ANKRD30B: variants seen among roughly 807,000 people sequenced by gnomAD.
ANKRD30B encodes the protein ankyrin repeat domain 30B, also known as ankyrin repeat domain-containing protein 30B.
ANKRD30B carries 144 observed loss-of-function variants against 202.2 expected under a neutral mutation model. That is an observed-to-expected ratio of 0.71 (90% CI 0.62 to 0.82). ANKRD30B has a LOEUF of 0.82. ANKRD30B is among the 40% of genes least tolerant of loss of function. The pLI is 0.00. For synonymous variants in ANKRD30B, 508 were observed against 561.3 expected, an observed-to-expected ratio of 0.91 and a Z score of 1.34; for missense variants, 1,487 against 1,669.1, an observed-to-expected ratio of 0.89 and a Z score of 1.90.
At chr18:14,848,975 A>C (rs760667465) in intron 40 of ANKRD30B, 46 bp downstream of exon 40, 1 of 1,431,792 alleles carries the variant, frequency 7.0e-7, no homozygotes, top group Admixed American at 2.9e-5. Flanking sequence ...ATTTATACTA[A>C]AAGTATGTAG....
At chr18:14,826,661 TCTCTCTCTCTCTCCCC>T (rs766726069) in intron 32 of ANKRD30B, among the ~76,000 whole-genome samples, 1,812 of 137,290 alleles carry the variant, frequency 0.013, 39 homozygotes, top group African/African-American at 0.047. Flanking sequence ...ATTGTTTCTC[TCTCTCTCTCTCTCCCC>T]CTCTCTCTCT....
At chr18:14,932,083 G>A in the ANKRD30B span, among the ~76,000 whole-genome samples, 63 of 115,550 alleles carry the variant, frequency 5.5e-4, no homozygotes, top group Admixed American at 1.4e-3. Context: ...TGGGGCTTCT[G>A]AGATATTTAG....
At chr18:14,886,404 A>C in the ANKRD30B span, among the ~76,000 whole-genome samples, 1 of 152,082 alleles carries the variant, frequency 6.6e-6, no homozygotes, top group Non-Finnish European at 1.5e-5. Flanking sequence ...TAAAATTTGC[A>C]TAATAAATTT....
At chr18:14,914,349 T>C in the ANKRD30B span, among the ~76,000 whole-genome samples, 3 of 152,214 alleles carry the variant, frequency 2.0e-5, no homozygotes, top group Admixed American at 6.5e-5. Flanking sequence ...TCTTTTGATT[T>C]GTGTGGGGAT....
chr18:14,756,489 T>A (rs1914388901), intron 4 of ANKRD30B, among the ~76,000 whole-genome samples: 1 of 152,242 alleles, frequency 6.6e-6, no homozygotes, highest in Non-Finnish European at 1.5e-5. Flanking sequence ...CATGCCTATG[T>A]CCTGAATGGT....
intron 8 of ANKRD30B, among the ~76,000 whole-genome samples, chr18:14,769,988 T>C (rs1916864874): frequency 6.6e-6 from 1 of 152,236 alleles, no homozygotes; most frequent in Admixed American, 6.5e-5. Context: ...TAGATATAGA[T>C]ATGTTATGTT....
At chr18:14,759,641 A>G (rs1189652635) in intron 5 of ANKRD30B, among the ~76,000 whole-genome samples, 1 of 152,248 alleles carries the variant, frequency 6.6e-6, no homozygotes, top group Admixed American at 6.5e-5. Flanking sequence ...AAACAGTAGT[A>G]GTAGTCCAAG....
At chr18:14,779,124 TC>T (rs1460828524) in intron 10 of ANKRD30B, among the ~76,000 whole-genome samples, 3 of 152,192 alleles carry the variant, frequency 2.0e-5, no homozygotes, top group Non-Finnish European at 2.9e-5. Context: ...CAGGCAACTT[TC>T]GAGTTTCTGA....
the ANKRD30B span, among the ~76,000 whole-genome samples, chr18:14,882,667 TC>T: frequency 6.6e-6 from 1 of 152,068 alleles, no homozygotes; most frequent in African/African-American, 2.4e-5. Flanking sequence ...TTGTTGACTT[TC>T]TGTCTTGATG....
Position 14,848,771 on chromosome 18 carries a change from G to A in ANKRD30B, c.3237G>A (p.Arg1079=). ...LDALPSCERG[R]ELKKDNCEQI... The stretch of plus-strand genomic sequence containing the variant: ...CACTTCCTTCTTGTGAAAGAGGAAG[G>A]GAACTTAAAAAAGATAACTGTGAAC... The change falls in exon 40 of 44, where the codon AGG becomes AGA. Residue 1079 remains arginine, a synonymous_variant. Coordinates refer to ENST00000690538, the MANE Select transcript of ANKRD30B (RefSeq NM_001367607.2). 4.5e-6 allele frequency: 7 copies of A among 1,570,316 alleles called. No individual in the cohort carries two copies. The highest frequency in any genetic ancestry group is 4.3e-6 in the Non-Finnish European group (5 of 1,156,682).
rs187725518 is a variant in ANKRD30B at position 14,805,996 on chromosome 18, A to G, written c.2284+2172A>G. On this transcript the variant is annotated intron_variant, in intron 24 of 43. Transcript: ENST00000690538. ...AGCACTTTGGGAGGCCGAGGCGGGCAGATCACGAGGTCAGGAGATCCAGAC... is the reference window on the plus strand; with the variant it reads ...AGCACTTTGGGAGGCCGAGGCGGGCGGATCACGAGGTCAGGAGATCCAGAC... Among the ~76,000 whole-genome samples, 1,465 of 150,396 alleles carry G rather than the reference A, an allele frequency of 9.7e-3. 67 individuals are homozygous for G. Among genetic ancestry groups the G allele is most frequent in the African/African-American group, 0.032 (1,290 of 40,532 alleles).
intron 34 of ANKRD30B, among the ~76,000 whole-genome samples, chr18:14,834,765 A>G (rs1971100232): frequency 6.6e-6 from 1 of 151,994 alleles, no homozygotes; most frequent in African/African-American, 2.4e-5. Flanking sequence ...GAATGTATTA[A>G]GTGATAATAT....
Position 14,797,477 on chromosome 18 carries a change from T to A in ANKRD30B, c.1928-184T>A, listed in dbSNP as rs181504764. Reference sequence around the variant, plus strand: ...TGCATCTTTTATTCCATAGCAATAGTTTCAGGGGGTCTCCCTACAGTTGGC... The same window carrying A: ...TGCATCTTTTATTCCATAGCAATAGATTCAGGGGGTCTCCCTACAGTTGGC... On this transcript the variant is annotated intron_variant, in intron 18 of 43. Coordinates refer to ENST00000690538, the MANE Select transcript of ANKRD30B (RefSeq NM_001367607.2). Among the ~76,000 whole-genome samples, 3 of 152,276 alleles carry A rather than the reference T, an allele frequency of 2.0e-5. No homozygotes were observed. The East Asian group carries it at 5.8e-4, about 29-fold the overall frequency.
chr18:14,757,625 T>C (rs1914579302), intron 4 of ANKRD30B, among the ~76,000 whole-genome samples, 190 bp from the exon 5 acceptor site: 1 of 152,224 alleles, frequency 6.6e-6, no homozygotes, highest in Admixed American at 6.5e-5. Context: ...CCAATTCTAG[T>C]ATGCCACACC....
intron 30 of ANKRD30B, among the ~76,000 whole-genome samples, chr18:14,817,493 C>A (rs1722465496): frequency 6.6e-6 from 1 of 152,106 alleles, no homozygotes; most frequent in African/African-American, 2.4e-5. Context: ...ACATAGGATT[C>A]CTAAATGCCA....
At chr18:14,846,068 AT>A (rs56892007) in intron 39 of ANKRD30B, among the ~76,000 whole-genome samples, 107,673 of 146,956 alleles carry the variant, frequency 0.73, 39,322 homozygotes, top group South Asian at 0.91. Context: ...TTACTTTCTT[AT>A]TTTTTTTTTT....
chr18:14,826,850 G>A (rs35923941), intron 32 of ANKRD30B, among the ~76,000 whole-genome samples: 1 of 152,020 alleles, frequency 6.6e-6, no homozygotes, highest in Non-Finnish European at 1.5e-5. Context: ...GTGCATATTT[G>A]TGATAAAGTT....
chr18:14,881,585 C>T, the ANKRD30B span, among the ~76,000 whole-genome samples: 37 of 151,836 alleles, frequency 2.4e-4, no homozygotes, highest in South Asian at 5.6e-3. Context: ...ACTAGGGTGA[C>T]GCTGGCTTCA....
chr18:14,870,788 A>G, the ANKRD30B span, among the ~76,000 whole-genome samples: 1 of 151,550 alleles, frequency 6.6e-6, no homozygotes. Flanking sequence ...ATCTTCTGCT[A>G]AGGCAGAGGT....
Sources: gnomAD v4.1 joint callset for allele counts (sites outside exome capture counted in the v4.1 genomes callset) on GRCh38, gnomAD v4.1.1 for gene constraint, MANE v1.5 for transcripts, NCBI Gene and HGNC (gene_info 2026-07-23, HGNC 2026-07-21) for gene names.